The following STX8 variants were observed in gnomAD, a reference collection of about 807,000 sequenced individuals.
STX8 encodes the protein syntaxin-8.
A neutral mutation model predicts 37.5 loss-of-function variants in STX8; 23 were observed. The observed-to-expected ratio is 0.61, with a 90% CI of 0.44 to 0.87. The LOEUF (loss-of-function observed/expected upper bound fraction) is 0.87. Among genes scored for constraint, STX8 ranks in the 40% least tolerant of loss-of-function variants. The pLI, the probability that STX8 is intolerant of heterozygous loss-of-function variation, is 0.00. For synonymous variants in STX8, 115 were observed against 99.1 expected (o/e 1.16, Z -0.95); for missense variants, 313 against 284.7 (o/e 1.10, Z -0.71).
chr17:9,463,645 T>C (rs147250880), intron 6 of STX8, among the ~76,000 whole-genome samples: 226 of 152,218 alleles, frequency 1.5e-3, no homozygotes, highest in African/African-American at 5.2e-3. Context: ...CAATGGCTGA[T>C]GCCTGTAATC....
intron 4 of STX8, among the ~76,000 whole-genome samples, chr17:9,529,338 TG>T (rs1357357522): frequency 1.3e-5 from 2 of 151,988 alleles, no homozygotes; most frequent in Non-Finnish European, 2.9e-5. Flanking sequence ...TATGCAAATA[TG>T]TATGTATATA....
At chr17:9,394,396 G>C (rs182139648) in intron 6 of STX8, among the ~76,000 whole-genome samples, 178 of 142,858 alleles carry the variant, frequency 1.2e-3, no homozygotes, top group African/African-American at 4.5e-3. Flanking sequence ...TTTTTTTTTT[G>C]AGACTAAGTC....
intron 7 of STX8, among the ~76,000 whole-genome samples, chr17:9,272,625 CACAG>C (rs1567762926): frequency 6.6e-6 from 1 of 152,234 alleles, no homozygotes; most frequent in Non-Finnish European, 1.5e-5. Context: ...AGTTTTAAAG[CACAG>C]ACAACCTCTC....
chr17:9,423,737 C>G (rs1456181713), intron 6 of STX8, among the ~76,000 whole-genome samples: 1 of 152,194 alleles, frequency 6.6e-6, no homozygotes, highest in Non-Finnish European at 1.5e-5. Flanking sequence ...CCTTGCAGGT[C>G]AGTGATCCTC....
chr17:9,515,702 T>C (rs1409483888), intron 4 of STX8, among the ~76,000 whole-genome samples: 2 of 152,112 alleles, frequency 1.3e-5, no homozygotes, highest in Non-Finnish European at 2.9e-5. Flanking sequence ...ATTTTTATTA[T>C]TTGTAGAGAT....
intron 7 of STX8, among the ~76,000 whole-genome samples, chr17:9,328,271 T>C (rs914362473): frequency 6.7e-6 from 1 of 149,214 alleles, no homozygotes; most frequent in Non-Finnish European, 1.5e-5. Context: ...CTAGTTTCTA[T>C]GGCCTGCCTT....
At chr17:9,364,512 G>A (rs929757765) in intron 7 of STX8, among the ~76,000 whole-genome samples, 1 of 152,030 alleles carries the variant, frequency 6.6e-6, no homozygotes. Context: ...GTAGATATTT[G>A]CTATGTTATT....
At chr17:9,384,219 T>C (rs1319740363) in intron 6 of STX8, among the ~76,000 whole-genome samples, 1 of 151,932 alleles carries the variant, frequency 6.6e-6, no homozygotes, top group Non-Finnish European at 1.5e-5. Context: ...TTGACAGATA[T>C]CGTACAGAAT....
chr17:9,372,255 C>A (rs1597630103), intron 7 of STX8, among the ~76,000 whole-genome samples: 1 of 151,762 alleles, frequency 6.6e-6, no homozygotes, highest in Non-Finnish European at 1.5e-5. Flanking sequence ...TCAGTGCCAA[C>A]GCTGCCCTTT....
chr17:9,546,804 G>A (rs1906546840), intron 3 of STX8, among the ~76,000 whole-genome samples: 4 of 150,538 alleles, frequency 2.7e-5, no homozygotes. Flanking sequence ...TCACCATGTT[G>A]GCCAGGATGG....
intron 2 of STX8, among the ~76,000 whole-genome samples, chr17:9,559,763 T>A (rs1391167652): frequency 2.6e-4 from 24 of 93,964 alleles, no homozygotes; most frequent in Admixed American, 5.8e-4. Context: ...TATATATATT[T>A]TTTTTTTTTT....
chr17:9,270,843 T>G (rs1907430681), intron 7 of STX8, among the ~76,000 whole-genome samples: 2 of 152,246 alleles, frequency 1.3e-5, no homozygotes, highest in South Asian at 4.1e-4. Context: ...GGAGAATATG[T>G]TCTGTATTTA....
At chr17:9,359,590 C>T (rs1393918234) in intron 7 of STX8, among the ~76,000 whole-genome samples, 2 of 148,124 alleles carry the variant, frequency 1.4e-5, no homozygotes, top group Admixed American at 6.8e-5. Context: ...TCACTGCAAG[C>T]TCCGCCTCCC....
intron 6 of STX8, among the ~76,000 whole-genome samples, chr17:9,427,587 G>A (rs1414680000): frequency 6.6e-6 from 1 of 152,140 alleles, no homozygotes; most frequent in African/African-American, 2.4e-5. Context: ...AATACCTAGG[G>A]AGATGACTTG....
intron 7 of STX8, among the ~76,000 whole-genome samples, chr17:9,292,114 G>A (rs1428346863): frequency 6.6e-6 from 1 of 152,264 alleles, no homozygotes; most frequent in Non-Finnish European, 1.5e-5. Context: ...CTGGGGCAGA[G>A]GCACTGGGAA....
Position 9,359,717 on chromosome 17 carries a change from C to T in STX8, c.643+18835G>A, listed in dbSNP as rs190214370. 1.5e-3 allele frequency among the ~76,000 whole-genome samples: 232 copies of T among 151,984 alleles called. 1 individual carries two copies. The highest frequency in any genetic ancestry group is 5.3e-3 in the African/African-American group (218 of 41,438). Reference sequence around the variant, plus strand: ...TAGAGACAGGGTTTCACCGTGTTAGCCAGGATGGTCTCGATCTCCTGAGCT... The same window carrying T: ...TAGAGACAGGGTTTCACCGTGTTAGTCAGGATGGTCTCGATCTCCTGAGCT... On this transcript the variant is annotated intron_variant, in intron 7 of 7. Coordinates refer to ENST00000306357, the MANE Select transcript of STX8 (RefSeq NM_004853.3).
At chr17:9,330,087 G>T (rs1022898305) in intron 7 of STX8, among the ~76,000 whole-genome samples, 17 of 152,236 alleles carry the variant, frequency 1.1e-4, no homozygotes, top group African/African-American at 3.9e-4. Flanking sequence ...AAAGGGAGAG[G>T]ATGGGCAGGG....
chr17:9,319,190 C>A lies in STX8; in HGVS notation c.643+59362G>T, dbSNP rs578234455. Among the ~76,000 whole-genome samples the A allele has an allele frequency of 7.2e-5, 11 of 152,090 alleles. No homozygotes were observed. In the South Asian group the frequency reaches 2.1e-3, roughly 29 times the overall value. On this transcript the variant is annotated intron_variant, in intron 7 of 7. Transcript: ENST00000306357. Reference sequence around the variant, plus strand: ...ATCCCAGGACTTTGGGAGGCCGAGGCGGGCGGATCACAAGGTCAGGAGATC... The same window carrying A: ...ATCCCAGGACTTTGGGAGGCCGAGGAGGGCGGATCACAAGGTCAGGAGATC...
At chr17:9,344,825 T>G (rs959899907) in intron 7 of STX8, among the ~76,000 whole-genome samples, 6 of 152,196 alleles carry the variant, frequency 3.9e-5, no homozygotes, top group Admixed American at 2.0e-4. Context: ...ACTCATTGAC[T>G]TCCCACTGTC....
Sources: gnomAD v4.1 joint callset for allele counts (sites outside exome capture counted in the v4.1 genomes callset) on GRCh38, gnomAD v4.1.1 for gene constraint, MANE v1.5 for transcripts, NCBI Gene and HGNC (gene_info 2026-07-23, HGNC 2026-07-21) for gene names.